Variants in CNTNAP2 observed in about 807,000 individuals in gnomAD.
The protein encoded by CNTNAP2 is contactin-associated protein-like 2.
Under a neutral mutation model 155.2 loss-of-function variants are expected in CNTNAP2, and 98 were observed. The ratio of observed to expected loss-of-function variants is 0.63; its 90% CI spans 0.54 to 0.75. The LOEUF (loss-of-function observed/expected upper bound fraction) is 0.75. Among genes scored for constraint, CNTNAP2 ranks in the 30% least tolerant of loss-of-function variants. The pLI is 0.00. For synonymous variants in CNTNAP2, 651 were observed against 631.2 expected (o/e 1.03, Z -0.47); for missense variants, 1,727 against 1,688.1 (o/e 1.02, Z -0.40).
At chr7:146,336,197 C>T (rs1801271469) in intron 1 of CNTNAP2, among the ~76,000 whole-genome samples, 1 of 138,368 alleles carries the variant, frequency 7.2e-6, no homozygotes, top group African/African-American at 2.8e-5. Context: ...GAAACTCCGT[C>T]TAAAAAAAAA....
chr7:147,182,879 C>T lies in CNTNAP2; in HGVS notation c.1348+50370C>T, dbSNP rs1802491792. Reference sequence around the variant, plus strand: ...AAGATGAAAATAATTTAATCATCTTCATACTTATTAGAAATACTTATATTA... The same window carrying T: ...AAGATGAAAATAATTTAATCATCTTTATACTTATTAGAAATACTTATATTA... On this transcript the variant is annotated intron_variant, in intron 8 of 23. Coordinates refer to ENST00000361727, the MANE Select transcript of CNTNAP2 (RefSeq NM_014141.6). 3.3e-5 allele frequency among the ~76,000 whole-genome samples: 5 copies of T among 152,110 alleles called. No homozygotes were observed. The South Asian group carries it at 1.0e-3, about 31-fold the overall frequency.
intron 3 of CNTNAP2, among the ~76,000 whole-genome samples, chr7:146,862,100 G>A (rs374361757): frequency 4.6e-5 from 7 of 152,248 alleles, no homozygotes; most frequent in East Asian, 3.9e-4. Context: ...AGATGCAGGC[G>A]CGGTCGATGG....
At chr7:147,158,784 A>G (rs1410605340) in intron 8 of CNTNAP2, among the ~76,000 whole-genome samples, 1 of 152,082 alleles carries the variant, frequency 6.6e-6, no homozygotes, top group East Asian at 1.9e-4. Flanking sequence ...TTGAGCAACT[A>G]CTAGAGGCCA....
chr7:146,378,480 A>G (rs1032310561), intron 1 of CNTNAP2, among the ~76,000 whole-genome samples: 1 of 152,172 alleles, frequency 6.6e-6, no homozygotes, highest in African/African-American at 2.4e-5. Context: ...CAAGTACTTT[A>G]TGTGCATTAC....
At chr7:147,439,316 CA>C (rs1234628347) in intron 10 of CNTNAP2, among the ~76,000 whole-genome samples, 2 of 151,586 alleles carry the variant, frequency 1.3e-5, no homozygotes, top group African/African-American at 4.8e-5. Context: ...AGAAAAATTC[CA>C]ATTTTCTTAA....
chr7:147,987,899 TG>T (rs1234813277), intron 15 of CNTNAP2, among the ~76,000 whole-genome samples: 1 of 152,142 alleles, frequency 6.6e-6, no homozygotes, highest in Admixed American at 6.5e-5. Flanking sequence ...TTCACCATGT[TG>T]GCCAGGCTGG....
chr7:146,638,085 A>T (rs1430222901), intron 1 of CNTNAP2, among the ~76,000 whole-genome samples: 1 of 152,202 alleles, frequency 6.6e-6, no homozygotes, highest in Non-Finnish European at 1.5e-5. Flanking sequence ...TCTAGTGATA[A>T]ATCAAACCTG....
intron 13 of CNTNAP2, among the ~76,000 whole-genome samples, chr7:147,822,778 C>T (rs1218063773): frequency 6.6e-6 from 1 of 152,108 alleles, no homozygotes; most frequent in South Asian, 2.1e-4. Context: ...TATATGACAT[C>T]GCTAAGACAG....
intron 8 of CNTNAP2, among the ~76,000 whole-genome samples, chr7:147,246,056 C>CACATATATATGGTATATATATATAT (rs1804055485): frequency 7.5e-6 from 1 of 133,500 alleles, no homozygotes; most frequent in Non-Finnish European, 1.5e-5. Context: ...TATATATATA[C>CACATATATATGGTATATATATATAT]ACATATATAT....
intron 3 of CNTNAP2, among the ~76,000 whole-genome samples, chr7:146,877,598 ATG>A (rs1433984302): frequency 6.7e-6 from 1 of 150,110 alleles, no homozygotes; most frequent in Non-Finnish European, 1.5e-5. Context: ...ATATATACAT[ATG>A]TGTGTATACT....
At chr7:146,481,254 C>T (rs1416608447) in intron 1 of CNTNAP2, among the ~76,000 whole-genome samples, 1 of 152,200 alleles carries the variant, frequency 6.6e-6, no homozygotes, top group Non-Finnish European at 1.5e-5. Context: ...TCCTAATCAA[C>T]ATTTTATTTA....
intron 13 of CNTNAP2, among the ~76,000 whole-genome samples, chr7:147,758,850 ATAAG>A (rs760520655): frequency 6.6e-5 from 10 of 152,166 alleles, no homozygotes; most frequent in South Asian, 2.1e-4. Context: ...GTCTCAAAAA[ATAAG>A]TAAGTAAGTA....
intron 13 of CNTNAP2, among the ~76,000 whole-genome samples, chr7:147,700,961 T>C (rs1316772449): frequency 6.6e-6 from 1 of 152,184 alleles, no homozygotes; most frequent in Non-Finnish European, 1.5e-5. Flanking sequence ...GGGGTCTCTG[T>C]GCTGTGAAAT....
Position 146,147,358 on chromosome 7 carries a change from G to C in CNTNAP2, c.97+30385G>C, listed in dbSNP as rs186423041. On this transcript the variant is annotated intron_variant, in intron 1 of 23. Transcript: ENST00000361727. Reference sequence around the variant, plus strand: ...GCTGCACTACAGACAGTTTGGAGGAGATTCATAGTAACAAACAAGATTTAA... The same window carrying C: ...GCTGCACTACAGACAGTTTGGAGGACATTCATAGTAACAAACAAGATTTAA... Among the ~76,000 whole-genome samples the C allele has an allele frequency of 2.3e-3, 355 of 152,220 alleles. 2 individuals carry two copies. The highest frequency in any genetic ancestry group is 3.5e-3 in the South Asian group (17 of 4,822).
At chr7:146,518,266 A>G (rs1370209041) in intron 1 of CNTNAP2, among the ~76,000 whole-genome samples, 1 of 151,868 alleles carries the variant, frequency 6.6e-6, no homozygotes, top group Admixed American at 6.6e-5. Flanking sequence ...AAAAAATATA[A>G]GAATACCTGT....
chr7:147,206,944 C>T (rs552945755), intron 8 of CNTNAP2, among the ~76,000 whole-genome samples: 20 of 152,236 alleles, frequency 1.3e-4, no homozygotes, highest in East Asian at 7.7e-4. Flanking sequence ...GCAAAGGTGA[C>T]GGAAATTACT....
chr7:146,564,773 T>G (rs1215760600), intron 1 of CNTNAP2, among the ~76,000 whole-genome samples: 1 of 151,880 alleles, frequency 6.6e-6, no homozygotes, highest in African/African-American at 2.4e-5. Flanking sequence ...TAGATCTTCT[T>G]TCTTTCCTTC....
intron 18 of CNTNAP2, among the ~76,000 whole-genome samples, chr7:148,176,205 C>A (rs923846147): frequency 2.4e-5 from 3 of 126,986 alleles, no homozygotes; most frequent in Admixed American, 1.7e-4. Context: ...TCTTTTCTTT[C>A]TTTCTCTTTT....
chr7:148,003,583 A>G (rs981901488), intron 15 of CNTNAP2, among the ~76,000 whole-genome samples: 5 of 152,170 alleles, frequency 3.3e-5, no homozygotes, highest in African/African-American at 7.2e-5. Context: ...AAGACTGGGG[A>G]AAAAGACAAA....
Sources: allele counts gnomAD v4.1 joint callset (sites outside exome capture counted in the v4.1 genomes callset), GRCh38; gene constraint gnomAD v4.1.1; transcripts MANE v1.5; gene names NCBI Gene and HGNC (gene_info 2026-07-23, HGNC 2026-07-21).